The following TIAM1 variants were observed in gnomAD, a reference collection of about 807,000 sequenced individuals.
TIAM1 encodes the protein rho guanine nucleotide exchange factor TIAM1.
A neutral mutation model predicts 163.5 loss-of-function variants in TIAM1; 65 were observed. The observed-to-expected ratio is 0.40, with a 90% CI of 0.33 to 0.49. The LOEUF (loss-of-function observed/expected upper bound fraction) is 0.49, where lower values mean the gene tolerates loss of function less well. Ranked by LOEUF, TIAM1 falls within the 20% of genes least tolerant of loss-of-function variation. The pLI is 0.77. For missense variants in TIAM1, 1,789 were observed against 2,044.7 expected (o/e 0.87, Z 2.41); for synonymous variants, 833 against 810.1 (o/e 1.03, Z -0.48).
intron 2 of TIAM1, among the ~76,000 whole-genome samples, chr21:31,336,264 G>T (rs970233938): frequency 1.3e-5 from 2 of 152,172 alleles, no homozygotes; most frequent in African/African-American, 4.8e-5. Flanking sequence ...CCTACCATTT[G>T]CATGAAATCT....
chr21:31,227,113 T>C (rs2088032886), intron 6 of TIAM1, among the ~76,000 whole-genome samples: 1 of 151,874 alleles, frequency 6.6e-6, no homozygotes. Flanking sequence ...TGTGCCACCA[T>C]GCCCGGCTAA....
chr21:31,370,122 T>C (rs1277421604), intron 2 of TIAM1, among the ~76,000 whole-genome samples: 1 of 152,198 alleles, frequency 6.6e-6, no homozygotes, highest in African/African-American at 2.4e-5. Context: ...GGACTTCCAA[T>C]ACCCAAGAAC....
At chr21:31,401,574 C>T (rs1169540043) in intron 2 of TIAM1, among the ~76,000 whole-genome samples, 2 of 152,166 alleles carry the variant, frequency 1.3e-5, no homozygotes, top group African/African-American at 4.8e-5. Flanking sequence ...TACACCCTTG[C>T]ATCCCAGCAG....
chr21:31,137,879 C>T (rs888912189), intron 22 of TIAM1, among the ~76,000 whole-genome samples: 1 of 149,780 alleles, frequency 6.7e-6, no homozygotes, highest in African/African-American at 2.5e-5. Context: ...TACAAAGCCA[C>T]ATACGAGATA....
In TIAM1 at chr21:31,372,097, C is replaced by T. The variant is rs190520140; in HGVS notation, c.-368-32675G>A. ...ACATGTAATACTCCCAGCTCCCCAA[C>T]GCGGAAGGCTCATTTTCCTCTAGTT... On this transcript the variant is annotated intron_variant, in intron 2 of 28. Coordinates refer to the TIAM1 transcript ENST00000286827. Among the ~76,000 whole-genome samples the T allele has an allele frequency of 2.9e-4, 44 of 152,298 alleles. No individual in the cohort carries two copies. In the Middle Eastern group the frequency reaches 0.01, roughly 35 times the overall value.
intron 2 of TIAM1, among the ~76,000 whole-genome samples, chr21:31,284,448 G>C (rs1205453369): frequency 6.6e-6 from 1 of 152,162 alleles, no homozygotes; most frequent in Non-Finnish European, 1.5e-5. Flanking sequence ...AGGACACACA[G>C]CAGGGGGGGT....
chr21:31,465,772 G>A (rs763566716), intron 1 of TIAM1, among the ~76,000 whole-genome samples: 16 of 152,126 alleles, frequency 1.1e-4, no homozygotes, highest in South Asian at 2.1e-4. Flanking sequence ...GGGTTTCACC[G>A]TGTTAGCCTG....
chr21:31,486,347 C>T (rs1006461100), intron 1 of TIAM1, among the ~76,000 whole-genome samples: 7 of 152,220 alleles, frequency 4.6e-5, no homozygotes, highest in Admixed American at 1.3e-4. Context: ...GCTGCACCGG[C>T]GTCATCCTGC....
chr21:31,168,846 C>T (rs898938192), intron 15 of TIAM1, among the ~76,000 whole-genome samples: 1 of 152,116 alleles, frequency 6.6e-6, no homozygotes, highest in African/African-American at 2.4e-5. Flanking sequence ...AAAGAAGAAC[C>T]CATAATCCCA....
At chr21:31,171,832 G>T (rs551679611) in intron 15 of TIAM1, among the ~76,000 whole-genome samples, 63 of 152,226 alleles carry the variant, frequency 4.1e-4, no homozygotes, top group African/African-American at 1.5e-3. Context: ...ACCATACAAA[G>T]AAATCTCAAG....
intron 1 of TIAM1, among the ~76,000 whole-genome samples, chr21:31,481,928 ATGGTT>A (rs1263448445): frequency 6.6e-6 from 1 of 151,942 alleles, no homozygotes; most frequent in African/African-American, 2.4e-5. Flanking sequence ...CTCTAATCAC[ATGGTT>A]TGGTCTTTCT....
rs201593155 is a variant in TIAM1 at position 31,152,776 on chromosome 21, G to T, written c.3241-15C>A. On this transcript the variant is annotated splice_polypyrimidine_tract_variant and intron_variant, in intron 18 of 27. Transcript: ENST00000541036. The stretch of plus-strand genomic sequence containing the variant: ...AGCACGTCAAGCTAGAAATAAAACA[G>T]AATTTAATGCACCTCATATCTCATT... The T allele has an allele frequency of 2.9e-4, 472 of 1,613,306 alleles. 1 individual carries two copies. The African/African-American group carries it at 5.7e-3, about 19-fold the overall frequency.
intron 3 of TIAM1, among the ~76,000 whole-genome samples, chr21:31,275,734 A>T (rs1462654246): frequency 2.0e-5 from 3 of 152,194 alleles, no homozygotes; most frequent in African/African-American, 7.2e-5. Flanking sequence ...CCTTATAACA[A>T]GGGCACTTCA....
At chr21:31,228,239 A>AGG (rs1569068810) in intron 6 of TIAM1, among the ~76,000 whole-genome samples, 8 of 49,320 alleles carry the variant, frequency 1.6e-4, no homozygotes, top group Admixed American at 3.3e-4. Flanking sequence ...AAAAAAAAAA[A>AGG]AAAAAAAAAA....
intron 2 of TIAM1, among the ~76,000 whole-genome samples, chr21:31,329,709 TGC>T (rs1305664818): frequency 6.6e-6 from 1 of 152,196 alleles, no homozygotes; most frequent in African/African-American, 2.4e-5. Flanking sequence ...CAGAGCCTCC[TGC>T]TTGATGAGGG....
chr21:31,189,467 A>T (rs1161091405), intron 13 of TIAM1, among the ~76,000 whole-genome samples: 2 of 152,152 alleles, frequency 1.3e-5, no homozygotes, highest in Non-Finnish European at 2.9e-5. Context: ...CTGGGTAAAA[A>T]GACTAGGTCT....
chr21:31,170,257 A>T (rs2084438651), intron 15 of TIAM1, among the ~76,000 whole-genome samples: 1 of 152,240 alleles, frequency 6.6e-6, no homozygotes, highest in Admixed American at 6.5e-5. Flanking sequence ...TGTCAGACAC[A>T]ATCGATTAGT....
intron 1 of TIAM1, among the ~76,000 whole-genome samples, chr21:31,531,180 C>A (rs1240524228): frequency 1.3e-5 from 2 of 152,200 alleles, no homozygotes; most frequent in South Asian, 2.1e-4. Flanking sequence ...TTACTCCCCC[C>A]TTCTCTGATT....
intron 6 of TIAM1, among the ~76,000 whole-genome samples, chr21:31,232,527 G>C (rs1362815593): frequency 6.6e-6 from 1 of 152,098 alleles, no homozygotes; most frequent in East Asian, 1.9e-4. Flanking sequence ...AAGCTAGTTG[G>C]GTGGAGAAAA....
Sources: gnomAD v4.1 joint callset for allele counts (sites outside exome capture counted in the v4.1 genomes callset) on GRCh38, gnomAD v4.1.1 for gene constraint, MANE v1.5 for transcripts, NCBI Gene and HGNC (gene_info 2026-07-23, HGNC 2026-07-21) for gene names.